Variants in CA12 observed in about 807,000 individuals in gnomAD.
The protein encoded by CA12 is carbonate dehydratase XII.
Under a neutral mutation model 46.8 loss-of-function variants are expected in CA12, and 36 were observed. That is an observed-to-expected ratio of 0.77 (90% CI 0.59 to 1.02). The LOEUF (loss-of-function observed/expected upper bound fraction) is 1.02. Ranked by LOEUF, CA12 falls within the 50% of genes least tolerant of loss-of-function variation. The pLI is 0.00. For missense variants in CA12, 436 were observed against 451.4 expected (o/e 0.97, Z 0.31); for synonymous variants, 202 against 187.0 (o/e 1.08, Z -0.65).
In CA12 at chr15:63,336,682, C is replaced by A. The variant is rs536368563; in HGVS notation, c.874+2137G>T. 4.7e-5 allele frequency among the ~76,000 whole-genome samples: 7 copies of A among 148,400 alleles called. 1 individual carries two copies. The highest frequency in any genetic ancestry group is 2.7e-4 in the Admixed American group (4 of 14,654). The stretch of plus-strand genomic sequence containing the variant: ...TCTCCTGCCTCAGCTTCCTGAGTAG[C>A]TGGGATTACCTGGCATTTTGTGGCT... On this transcript the variant is annotated intron_variant, in intron 8 of 10. Transcript: ENST00000178638.
chr15:63,349,628 G>A (rs537628747), intron 2 of CA12, among the ~76,000 whole-genome samples: 1 of 152,292 alleles, frequency 6.6e-6, no homozygotes, highest in East Asian at 1.9e-4. Context: ...TTTTATGGGT[G>A]AAAAATAGAG....
At position 63,328,125 on chromosome 15, in the gene CA12, C is replaced by T. The variant is rs769701250; in HGVS notation, c.880G>A (p.Val294Ile). Residue 294 changes from valine to isoleucine, a missense_variant, in exon 9 of 11, where the codon GTC (valine) becomes ATC (isoleucine). Physicochemically the swap from Val to Ile is conservative, Grantham distance 29. Transcript: ENST00000178638. The surrounding 1 kb of genome is among the most constrained non-coding windows in gnomAD (Gnocchi z 5.9). Reference sequence around the variant, plus strand: ...AGACTCAGTCCTGCCGCAGTACAGACTTGCACTTAAAAGGGGAGAGGAAAA... The same window carrying T: ...AGACTCAGTCCTGCCGCAGTACAGATTTGCACTTAAAAGGGGAGAGGAAAA... ...LVYTSFSQVQ[V>I]CTAAGLSLGI... is the part of the protein sequence containing the mutation. The T allele has an allele frequency of 3.1e-6, 5 of 1,614,006 alleles. No individual in the cohort carries two copies. The highest frequency in any genetic ancestry group is 4.2e-6 in the Non-Finnish European group (5 of 1,179,946).
Position 63,328,164 on chromosome 15 carries a change from TAG to T in CA12, c.875-36_875-35del. The T allele has an allele frequency of 6.2e-7, 1 of 1,606,176 alleles. No individual in the cohort carries two copies. The highest frequency in any genetic ancestry group is 8.5e-7 in the Non-Finnish European group (1 of 1,172,862). ...GGGAGAGGAAAAGACGAGGTTACTC[TAG>T]AGTCAAACCACACTGGATTTGAGCA... On this transcript the variant is annotated intron_variant, in intron 8 of 10. Coordinates refer to ENST00000178638, the MANE Select transcript of CA12 (RefSeq NM_001218.5). The surrounding 1 kb of genome is among the most constrained non-coding windows in gnomAD (Gnocchi z 5.9).
At position 63,345,768 on chromosome 15, in the gene CA12, A is replaced by G; in HGVS notation, c.287-149T>C. On this transcript the variant is annotated intron_variant, in intron 3 of 10. Transcript: ENST00000178638. The surrounding 1 kb of genome is among the most constrained non-coding windows in gnomAD (Gnocchi z 4.3). Reference sequence around the variant, plus strand: ...GGATGGAGTGAGGTGCGGAGCAGAGATGCAGCCTAAAGGTCAGACACCTGG... The same window carrying G: ...GGATGGAGTGAGGTGCGGAGCAGAGGTGCAGCCTAAAGGTCAGACACCTGG... 3 of 1,067,958 alleles carry G rather than the reference A, an allele frequency of 2.8e-6. No homozygotes were observed. Among genetic ancestry groups the G allele is most frequent in the Non-Finnish European group, 4.1e-6 (3 of 724,606 alleles). 66.2% of individuals were successfully genotyped at this position (1,067,958 alleles called of 1,614,324 possible).
chr15:63,326,606 C>T (rs1002830915), intron 10 of CA12, among the ~76,000 whole-genome samples: 9 of 152,112 alleles, frequency 5.9e-5, no homozygotes, highest in African/African-American at 1.9e-4. Flanking sequence ...AAAGAGGTCT[C>T]GTTGTCACCC....
Position 63,331,684 on chromosome 15 carries a change from G to A in CA12, c.875-3554C>T, listed in dbSNP as rs1056656341. 3 of 152,364 alleles carry A rather than the reference G, an allele frequency of 2.0e-5. No individual in the cohort carries two copies. The highest frequency in any genetic ancestry group is 4.8e-5 in the African/African-American group (2 of 41,588). The allele number at this position is 152,364 out of a possible 1,614,324, so 9.4% of individuals were successfully genotyped here. Reference sequence around the variant, plus strand: ...AAACCACACAGATATAGAAGAACTCGATGGTCACACACCTTGCCCAGGAAG... The same window carrying A: ...AAACCACACAGATATAGAAGAACTCAATGGTCACACACCTTGCCCAGGAAG... On this transcript the variant is annotated intron_variant, in intron 8 of 10. Transcript: ENST00000178638. The surrounding 1 kb of genome is among the most constrained non-coding windows in gnomAD (Gnocchi z 5.3).
Position 63,327,008 on chromosome 15 carries a change from G to A in CA12, c.992+141C>T. The A allele has an allele frequency of 1.4e-6, 1 of 726,132 alleles. No homozygotes were observed. The highest frequency in any genetic ancestry group is 2.5e-6 in the Non-Finnish European group (1 of 404,264). The allele number at this position is 726,132 out of a possible 1,614,324, so 45.0% of individuals were successfully genotyped here. A position where few individuals can be genotyped will look rare whatever the true frequency, so the allele number is the denominator to read the frequency against. ...TCATGCAAAGGAGGCCAGGGCACGG[G>A]TGCTTTGGGGACGGCCCTCCTAGGG... On this transcript the variant is annotated intron_variant, in intron 10 of 10. Coordinates refer to ENST00000178638, the MANE Select transcript of CA12 (RefSeq NM_001218.5). This position sits in a 1 kb window ranked among gnomAD's most constrained non-coding sequence, Gnocchi z 4.5.
intron 2 of CA12, among the ~76,000 whole-genome samples, chr15:63,369,411 C>G (rs1347351730): frequency 6.6e-6 from 1 of 152,168 alleles, no homozygotes; most frequent in Non-Finnish European, 1.5e-5. Flanking sequence ...ATGTGCTAGG[C>G]CCTGTGTGAG....
chr15:63,345,685 G>C lies in CA12; in HGVS notation c.287-66C>G, dbSNP rs997285844. 6.4e-7 allele frequency: 1 copy of C among 1,560,724 alleles called. No individual in the cohort carries two copies. Among genetic ancestry groups the C allele is most frequent in the African/African-American group, 1.4e-5 (1 of 74,002 alleles). ...CTGTGCACTGCCAGAGAGCAGTCAG[G>C]TAGGCAATGCTCCCTCCACCCCTGC... On this transcript the variant is annotated intron_variant, in intron 3 of 10. Coordinates refer to ENST00000178638, the MANE Select transcript of CA12 (RefSeq NM_001218.5). This position sits in a 1 kb window ranked among gnomAD's most constrained non-coding sequence, Gnocchi z 4.3.
chr15:63,376,600 T>TTCTCTC (rs1555432621), intron 1 of CA12, among the ~76,000 whole-genome samples: 1 of 134,094 alleles, frequency 7.5e-6, no homozygotes, highest in Non-Finnish European at 1.6e-5. Flanking sequence ...CTTTCTTTCT[T>TTCTCTC]TCTCTCTCTC....
rs1389883944 is a variant in CA12, at chr15:63,331,602, A to C, written c.875-3472T>G. On this transcript the variant is annotated intron_variant, in intron 8 of 10. Coordinates refer to ENST00000178638, the MANE Select transcript of CA12 (RefSeq NM_001218.5). This position sits in a 1 kb window ranked among gnomAD's most constrained non-coding sequence, Gnocchi z 5.3. ...GACGTGGGAGAGCCGCCTGTTCACA[A>C]AGTGCTCGGGTATGACTCAGGGCGA... 6.6e-6 allele frequency: 1 copy of C among 152,162 alleles called. No homozygotes were observed. The highest frequency in any genetic ancestry group is 1.5e-5 in the Non-Finnish European group (1 of 68,062). The allele number at this position is 152,162 out of a possible 1,614,324, so 9.4% of individuals were successfully genotyped here.
At position 63,361,164 on chromosome 15, in the gene CA12, G is replaced by GT. The variant is rs1180541887; in HGVS notation, c.107-14456dup. On this transcript the variant is annotated intron_variant, in intron 2 of 10. Transcript: ENST00000178638. ...GATAGACCCTCTTACCTACACAGAT[G>GT]TGAGGCAGGGAGCTGCCCAGTGGAA... Among the ~76,000 whole-genome samples, 4 of 152,360 alleles carry GT rather than the reference G, an allele frequency of 2.6e-5. No individual in the cohort carries two copies. The East Asian group carries it at 7.7e-4, about 29-fold the overall frequency.
Position 63,322,896 on chromosome 15 carries a change from T to C in CA12, c.*3389A>G, listed in dbSNP as rs940120083. On this transcript the variant is annotated 3_prime_UTR_variant, in exon 11 of 11. Coordinates refer to ENST00000178638, the MANE Select transcript of CA12 (RefSeq NM_001218.5). This position sits in a 1 kb window ranked among gnomAD's most constrained non-coding sequence, Gnocchi z 4.1. ...CTGGAGCCAAAGTACCCTTGAACAG[T>C]TCACCTCTCTCAGGCTTAGGGTGAT... The C allele has an allele frequency of 7.9e-5, 12 of 152,236 alleles. No individual in the cohort carries two copies. Among genetic ancestry groups the C allele is most frequent in the African/African-American group, 2.7e-4 (11 of 41,456 alleles). 9.4% of individuals were successfully genotyped at this position (152,236 alleles called of 1,614,324 possible).
chr15:63,339,055 C>A lies in CA12; in HGVS notation c.748-110G>T. ...ACCTGGGAGAAGCCTCTGGAACCAGCTTCTGTGGGGCCGGGTGGGAGATAT... is the reference window on the plus strand; with the variant it reads ...ACCTGGGAGAAGCCTCTGGAACCAGATTCTGTGGGGCCGGGTGGGAGATAT... On this transcript the variant is annotated intron_variant, in intron 7 of 10. Transcript: ENST00000178638. This position sits in a 1 kb window ranked among gnomAD's most constrained non-coding sequence, Gnocchi z 4.3. The A allele has an allele frequency of 7.3e-7, 1 of 1,367,948 alleles. No homozygotes were observed. Among genetic ancestry groups the A allele is most frequent in the South Asian group, 1.2e-5 (1 of 81,608 alleles). The allele number at this position is 1,367,948 out of a possible 1,614,324, so 84.7% of individuals were successfully genotyped here.
chr15:63,344,389 G>A (rs1386720984), intron 4 of CA12, among the ~76,000 whole-genome samples: 1 of 152,192 alleles, frequency 6.6e-6, no homozygotes, highest in East Asian at 1.9e-4. Flanking sequence ...CTTAACCTTG[G>A]CAAAATAAAC....
chr15:63,350,687 C>T (rs540470112), intron 2 of CA12, among the ~76,000 whole-genome samples: 10 of 152,298 alleles, frequency 6.6e-5, no homozygotes, highest in Non-Finnish European at 1.3e-4. Flanking sequence ...CTCGTGATTT[C>T]TGATTGGGAA....
chr15:63,376,178 C>T (rs2152627896), intron 1 of CA12, among the ~76,000 whole-genome samples: 1 of 152,280 alleles, frequency 6.6e-6, no homozygotes, highest in African/African-American at 2.4e-5. Flanking sequence ...CAGTCAGCAG[C>T]ACAGGCAGTT....
chr15:63,375,701 A>T (rs756988524), intron 1 of CA12, 23 bp from the exon 2 acceptor site: 236 of 1,571,002 alleles, frequency 1.5e-4, no homozygotes, highest in Non-Finnish European at 2.1e-4. Context: ...AAACACAGTA[A>T]GTAAGTACAA....
rs1555432621 is a variant in CA12, at chr15:63,376,600, T to TTC, written c.86-924_86-923dup. ...TTTCTTTCTTTCTTTCTTTCTTTCT[T>TTC]TCTCTCTCTCTCGCTCTCTCTCTTT... is the stretch of plus-strand genomic sequence containing the variant. On this transcript the variant is annotated intron_variant, in intron 1 of 10. Transcript: ENST00000178638. Among the ~76,000 whole-genome samples, 512 of 134,170 alleles carry TTC rather than the reference T, an allele frequency of 3.8e-3. 7 individuals are homozygous for TTC. The highest frequency in any genetic ancestry group is 0.014 in the Middle Eastern group (4 of 278). The allele number at this position is 134,170 out of a possible 152,430, so 88.0% of individuals were successfully genotyped here.
Sources: gnomAD v4.1 joint callset for allele counts (sites outside exome capture counted in the v4.1 genomes callset) on GRCh38, gnomAD v4.1.1 for gene constraint, Gnocchi (gnomAD v3.1) non-coding constraint, MANE v1.5 for transcripts, NCBI Gene and HGNC (gene_info 2026-07-23, HGNC 2026-07-21) for gene names.